The following SEMA4D variants were observed in gnomAD, a reference collection of about 807,000 sequenced individuals.
The protein encoded by SEMA4D is semaphorin 4D, also known as semaphorin-4D.
In SEMA4D, 22 loss-of-function variants were observed where a neutral mutation model predicts 74.8. The ratio of observed to expected loss-of-function variants is 0.29; its 90% CI spans 0.21 to 0.42. The LOEUF (loss-of-function observed/expected upper bound fraction) is 0.42, where lower values mean the gene tolerates loss of function less well. SEMA4D is among the 10% of genes least tolerant of loss of function. The pLI is 1.00. For synonymous variants in SEMA4D, 445 were observed against 463.7 expected (o/e 0.96, Z 0.52); for missense variants, 937 against 1,118.4 (o/e 0.84, Z 2.31).
At position 89,378,470 on chromosome 9, in the gene SEMA4D, C is replaced by A; in HGVS notation, c.*234G>T. 3.8e-6 allele frequency: 2 copies of A among 520,328 alleles called. No individual in the cohort carries two copies. Among genetic ancestry groups the A allele is most frequent in the South Asian group, 4.8e-5 (2 of 41,794 alleles). 32.2% of individuals were successfully genotyped at this position (520,328 alleles called of 1,614,324 possible). ...GGCCTTCTTCAAGTACTCCGACTGACTTCGGAACACAAGACTGGGATGCAA... is the reference window on the plus strand; with the variant it reads ...GGCCTTCTTCAAGTACTCCGACTGAATTCGGAACACAAGACTGGGATGCAA... On this transcript the variant is annotated 3_prime_UTR_variant, in exon 16 of 16. Coordinates refer to ENST00000422704, the MANE Select transcript of SEMA4D (RefSeq NM_001371194.2).
At chr9:89,466,777 C>T (rs1014177652) in intron 1 of SEMA4D, among the ~76,000 whole-genome samples, 13 of 152,144 alleles carry the variant, frequency 8.5e-5, no homozygotes, top group Admixed American at 3.3e-4. Flanking sequence ...AGCAGGGAGG[C>T]GGCTACCAGG....
downstream of SEMA4D, among the ~76,000 whole-genome samples, chr9:89,375,348 G>A (rs1451294537): frequency 1.3e-5 from 2 of 152,210 alleles, no homozygotes; most frequent in Non-Finnish European, 2.9e-5. Flanking sequence ...GCCTTGGTCC[G>A]TAGCACCCAG....
chr9:89,402,084 A>G (rs904299804), intron 4 of SEMA4D, among the ~76,000 whole-genome samples: 1 of 152,242 alleles, frequency 6.6e-6, no homozygotes. Context: ...GTGGTGGCAC[A>G]TACTTACAGT....
intron 4 of SEMA4D, among the ~76,000 whole-genome samples, chr9:89,400,498 G>C (rs1343557389): frequency 6.6e-6 from 1 of 152,174 alleles, no homozygotes; most frequent in Non-Finnish European, 1.5e-5. Context: ...TATGAGGAGA[G>C]GAACCCCACT....
chr9:89,486,257 C>G (rs545709882), intron 1 of SEMA4D, among the ~76,000 whole-genome samples: 3 of 152,122 alleles, frequency 2.0e-5, no homozygotes, highest in African/African-American at 7.2e-5. Flanking sequence ...TGTATAATTC[C>G]TTCTATATGA....
intron 18 of SEMA4D, among the ~76,000 whole-genome samples, chr9:89,363,127 T>A (rs76341712): frequency 0.018 from 2,757 of 152,242 alleles, 74 homozygotes; most frequent in African/African-American, 0.063. Flanking sequence ...GTACAGAGAA[T>A]GGGGTGGTCG....
intron 1 of SEMA4D, among the ~76,000 whole-genome samples, chr9:89,473,006 G>A (rs1305409727): frequency 6.6e-6 from 1 of 151,966 alleles, no homozygotes; most frequent in Non-Finnish European, 1.5e-5. Flanking sequence ...TGAGGTGGGA[G>A]GATCACTTGA....
At position 89,391,405 on chromosome 9, in the gene SEMA4D, G is replaced by T; in HGVS notation, c.633C>A (p.Phe211Leu). ...TTTTTCGGATCACGTCAGCAAACAC[G>T]AAACTAGGCTCTGCAGAGAGAGGAC... ...YAIPWLNEPS[F>L]VFADVIRKSP... Residue 211 changes from phenylalanine (F) to leucine (L), a missense_variant, in exon 9 of 16, where the codon TTC becomes TTA. Coordinates refer to ENST00000422704, the MANE Select transcript of SEMA4D (RefSeq NM_001371194.2). The T allele has an allele frequency of 6.2e-7, 1 of 1,614,240 alleles. No individual in the cohort carries two copies. Among genetic ancestry groups the T allele is most frequent in the Non-Finnish European group, 8.5e-7 (1 of 1,180,042 alleles).
chr9:89,469,404 G>GA (rs1165260075), intron 1 of SEMA4D, among the ~76,000 whole-genome samples: 1 of 152,100 alleles, frequency 6.6e-6, no homozygotes, highest in African/African-American at 2.4e-5. Context: ...AATAGAGGAG[G>GA]AAAAAACATT....
At chr9:89,422,725 G>A (rs2134271611) in intron 2 of SEMA4D, among the ~76,000 whole-genome samples, 1 of 152,276 alleles carries the variant, frequency 6.6e-6, no homozygotes, top group African/African-American at 2.4e-5. Context: ...GCAGTACCCG[G>A]CCAAGAATCT....
chr9:89,412,796 G>A (rs1420667813), intron 2 of SEMA4D, among the ~76,000 whole-genome samples: 2 of 152,192 alleles, frequency 1.3e-5, no homozygotes, highest in Non-Finnish European at 2.9e-5. Context: ...CAGGGAGGGG[G>A]AGGGGGCTGC....
rs1164277326 is a variant in SEMA4D at position 89,363,947 on chromosome 9, GGACCTGGGGACACA to G, written c.1883-11_1885del. 6.2e-7 allele frequency: 1 copy of G among 1,614,074 alleles called. No homozygotes were observed. Among genetic ancestry groups the G allele is most frequent in the East Asian group, 2.2e-5 (1 of 44,882 alleles). ...CTCCCAGACAAAGCGAATGTCTGCA[GGACCTGGGGACACA>G]GACCGTTTCCACCTCTGAGTCCACA... On this transcript the variant is annotated splice_acceptor_variant and splice_polypyrimidine_tract_variant and coding_sequence_variant and intron_variant, in exon 17 of 19. Coordinates refer to the SEMA4D transcript ENST00000339861. LOFTEE classifies it high-confidence loss of function.
chr9:89,490,158 C>T (rs183184179), intron 1 of SEMA4D, among the ~76,000 whole-genome samples: 1 of 152,212 alleles, frequency 6.6e-6, no homozygotes, highest in East Asian at 1.9e-4. Context: ...TTGTAAATCA[C>T]CTTTATTGAC....
chr9:89,494,811 G>A (rs1301741167), intron 1 of SEMA4D, among the ~76,000 whole-genome samples: 2 of 152,064 alleles, frequency 1.3e-5, no homozygotes, highest in Non-Finnish European at 2.9e-5. Flanking sequence ...CTAATCTGAG[G>A]CAGATCCCAA....
chr9:89,362,485 C>T, intron 18 of SEMA4D: 1 of 1,613,874 alleles, frequency 6.2e-7, no homozygotes, highest in Non-Finnish European at 8.5e-7. Context: ...CTTTCCTGCT[C>T]TGCAGCCCAG....
chr9:89,412,302 T>C (rs1172746581), intron 2 of SEMA4D, among the ~76,000 whole-genome samples: 1 of 152,080 alleles, frequency 6.6e-6, no homozygotes, highest in African/African-American at 2.4e-5. Context: ...TGTAATAGTA[T>C]CCACGACCAA....
intron 2 of SEMA4D, among the ~76,000 whole-genome samples, chr9:89,413,202 A>T (rs1199787817): frequency 6.6e-6 from 1 of 152,206 alleles, no homozygotes; most frequent in Non-Finnish European, 1.5e-5. Context: ...TGTCACTCTC[A>T]TTACTTACAC....
intron 1 of SEMA4D, among the ~76,000 whole-genome samples, chr9:89,462,985 A>AGGGGAGCGAGCGAGGGGAGGGGAGC (rs796527294): frequency 1.6e-5 from 2 of 122,874 alleles, no homozygotes; most frequent in African/African-American, 2.8e-5. Context: ...GGAGCGAGGG[A>AGGGGAGCGAGCGAGGGGAGGGGAGC]GAAAGAGAGG....
intron 4 of SEMA4D, among the ~76,000 whole-genome samples, chr9:89,399,875 G>GT (rs2133499218): frequency 6.6e-6 from 1 of 152,048 alleles, no homozygotes; most frequent in South Asian, 2.1e-4. Context: ...GCGGGCGCCT[G>GT]TAATCCCAGC....
Sources: gnomAD v4.1 joint callset for allele counts (sites outside exome capture counted in the v4.1 genomes callset) on GRCh38, gnomAD v4.1.1 for gene constraint, MANE v1.5 for transcripts, NCBI Gene and HGNC (gene_info 2026-07-23, HGNC 2026-07-21) for gene names.